The following IPO7 variants were observed in gnomAD, a reference collection of about 807,000 sequenced individuals.
The protein encoded by IPO7 is importin 7.
Under a neutral mutation model 136.4 loss-of-function variants are expected in IPO7, and 13 were observed. That is an observed-to-expected ratio of 0.10 (90% CI 0.06 to 0.15). IPO7 has a LOEUF of 0.15. Among genes scored for constraint, IPO7 ranks in the 10% least tolerant of loss-of-function variants. IPO7 has a pLI of 1.00. For synonymous variants in IPO7, 403 were observed against 404.4 expected, an observed-to-expected ratio of 1.00 and a Z score of 0.04; for missense variants, 857 against 1,240.6, an observed-to-expected ratio of 0.69 and a Z score of 4.65.
Position 9,414,415 on chromosome 11 carries a change from A to G in IPO7, c.636+4A>G, listed in dbSNP as rs1855011097. On this transcript the variant is annotated splice_donor_region_variant and intron_variant, in intron 5 of 24. Transcript: ENST00000379719. ...GATCTTCTATGCTCTTGTTCAGGTA[A>G]TATCTGTGAAGCAGTTTTTATGCAT... 2 of 1,573,528 alleles carry G rather than the reference A, an allele frequency of 1.3e-6. No homozygotes were observed. The highest frequency in any genetic ancestry group is 2.7e-5 in the African/African-American group (2 of 73,188).
chr11:9,425,981 G>T (rs1000933395), intron 12 of IPO7, among the ~76,000 whole-genome samples: 16 of 152,024 alleles, frequency 1.1e-4, no homozygotes, highest in South Asian at 6.2e-4. Flanking sequence ...GGGAGGCGGA[G>T]GCTGCAGTGA....
At chr11:9,393,663 G>A (rs905418084) in intron 1 of IPO7, among the ~76,000 whole-genome samples, 2 of 152,094 alleles carry the variant, frequency 1.3e-5, no homozygotes, top group South Asian at 2.1e-4. Flanking sequence ...GATTACAGGC[G>A]TGAGCCACCA....
At chr11:9,420,307 G>A in intron 6 of IPO7, 104 bp from the exon 7 acceptor site, 1 of 692,438 alleles carries the variant, frequency 1.4e-6, no homozygotes, top group Non-Finnish European at 2.4e-6. Flanking sequence ...AAAAAAAAAG[G>A]CCAGCATTAG....
chr11:9,441,100 T>C (rs947518883), intron 23 of IPO7, among the ~76,000 whole-genome samples: 3 of 152,218 alleles, frequency 2.0e-5, no homozygotes, highest in African/African-American at 7.2e-5. Context: ...CTTTTTTTCC[T>C]ATATTCTGTG....
chr11:9,388,087 C>T (rs1564989390), intron 1 of IPO7, among the ~76,000 whole-genome samples: 2 of 151,398 alleles, frequency 1.3e-5, no homozygotes, highest in South Asian at 4.2e-4. Context: ...GTGGAGGTTG[C>T]GGTGAGCCGA....
In IPO7 at chr11:9,446,459, A is replaced by T. The variant is rs1368758568; in HGVS notation, c.*1265A>T. 5 of 152,300 alleles carry T rather than the reference A, an allele frequency of 3.3e-5. No homozygotes were observed. Among genetic ancestry groups the T allele is most frequent in the Admixed American group, 2.6e-4 (4 of 15,296 alleles). The allele number at this position is 152,300 out of a possible 1,614,324, so 9.4% of individuals were successfully genotyped here. On this transcript the variant is annotated 3_prime_UTR_variant, in exon 25 of 25. Transcript: ENST00000379719. The stretch of plus-strand genomic sequence containing the variant: ...GTTCCCTCCAAAAACCACTATTGAT[A>T]CCACTACAAAAACAAGCCAGCAAAA...
intron 18 of IPO7, among the ~76,000 whole-genome samples, chr11:9,434,289 C>A (rs1160332776): frequency 6.6e-6 from 1 of 152,102 alleles, no homozygotes; most frequent in Non-Finnish European, 1.5e-5. Context: ...GAAGTTAATG[C>A]TCTCAGTGGT....
intron 6 of IPO7, among the ~76,000 whole-genome samples, chr11:9,420,057 C>T (rs141810325): frequency 2.6e-5 from 4 of 152,294 alleles, no homozygotes; most frequent in African/African-American, 7.2e-5. Context: ...GGTGCAGTGG[C>T]GCACGCCTGT....
intron 2 of IPO7, among the ~76,000 whole-genome samples, chr11:9,406,302 C>G (rs1854886556): frequency 6.6e-6 from 1 of 151,542 alleles, no homozygotes; most frequent in African/African-American, 2.4e-5. Context: ...TGTGCCTGGT[C>G]TTGTTTCTTT....
chr11:9,415,076 G>C (rs1564997223), intron 5 of IPO7, among the ~76,000 whole-genome samples: 1 of 152,130 alleles, frequency 6.6e-6, no homozygotes, highest in Non-Finnish European at 1.5e-5. Context: ...CCAGCACTTT[G>C]GGAGGCTGTG....
chr11:9,435,472 A>G (rs1355276411), intron 19 of IPO7, among the ~76,000 whole-genome samples: 1 of 152,214 alleles, frequency 6.6e-6, no homozygotes, highest in Non-Finnish European at 1.5e-5. Context: ...TATCAAAGTC[A>G]GTGTAATTGG....
intron 1 of IPO7, among the ~76,000 whole-genome samples, chr11:9,390,538 T>C (rs1282800012): frequency 6.6e-6 from 1 of 152,252 alleles, no homozygotes; most frequent in Non-Finnish European, 1.5e-5. Context: ...GCCTGTAGTT[T>C]AGATAACATT....
In IPO7 at chr11:9,411,695, G is replaced by A. The variant is rs200086702; in HGVS notation, c.479+1609G>A. The stretch of plus-strand genomic sequence containing the variant: ...ACTAGTATTTAAGGATTTTCTATGA[G>A]TATGGTTCTGCAGTTTGACACATCA... On this transcript the variant is annotated intron_variant, in intron 4 of 24. Transcript: ENST00000379719. Among the ~76,000 whole-genome samples, 4 of 152,252 alleles carry A rather than the reference G, an allele frequency of 2.6e-5. No individual in the cohort carries two copies. In the East Asian group the frequency reaches 7.7e-4, roughly 29 times the overall value.
chr11:9,388,788 C>G (rs1854587618), intron 1 of IPO7, among the ~76,000 whole-genome samples: 1 of 152,070 alleles, frequency 6.6e-6, no homozygotes, highest in East Asian at 1.9e-4. Flanking sequence ...CAGCCTAGAA[C>G]TCTTGGCCTC....
At position 9,446,515 on chromosome 11, in the gene IPO7, T is replaced by A. The variant is rs1268068933; in HGVS notation, c.*1321T>A. The A allele has an allele frequency of 6.6e-6, 1 of 152,158 alleles. No homozygotes were observed. Among genetic ancestry groups the A allele is most frequent in the Non-Finnish European group, 1.5e-5 (1 of 68,036 alleles). The allele number at this position is 152,158 out of a possible 1,614,324, so 9.4% of individuals were successfully genotyped here. ...CTGTAGAGAGGTTGGCTTGCTTCCCTCTCTTCCTAACTGCATGTTGAAAAA... is the reference window on the plus strand; with the variant it reads ...CTGTAGAGAGGTTGGCTTGCTTCCCACTCTTCCTAACTGCATGTTGAAAAA... On this transcript the variant is annotated 3_prime_UTR_variant, in exon 25 of 25. Coordinates refer to ENST00000379719, the MANE Select transcript of IPO7 (RefSeq NM_006391.3).
At chr11:9,390,957 A>G (rs1393184837) in intron 1 of IPO7, among the ~76,000 whole-genome samples, 1 of 151,836 alleles carries the variant, frequency 6.6e-6, no homozygotes, top group Non-Finnish European at 1.5e-5. Context: ...TTTGGTAGAG[A>G]TGGGGTTTCA....
chr11:9,443,081 G>T (rs1272700664), intron 24 of IPO7, among the ~76,000 whole-genome samples: 4 of 151,986 alleles, frequency 2.6e-5, no homozygotes, highest in African/African-American at 9.7e-5. Context: ...GCGCATGCTT[G>T]TAATCCCAGC....
At chr11:9,392,946 C>CA (rs34911529) in intron 1 of IPO7, among the ~76,000 whole-genome samples, 48,886 of 99,974 alleles carry the variant, frequency 0.49, 10,345 homozygotes, top group East Asian at 0.72. Context: ...GACTCTGTCT[C>CA]AAAAAAAAAA....
At position 9,440,602 on chromosome 11, in the gene IPO7, T is replaced by C. The variant is rs1855448832; in HGVS notation, c.2843T>C (p.Ile948Thr). The change falls in exon 23 of 25, where the codon ATC (isoleucine) becomes ACC (threonine). Residue 948 changes from isoleucine to threonine, a missense_variant. Ile to Thr is a moderately conservative substitution (Grantham distance 89). Coordinates refer to ENST00000379719, the MANE Select transcript of IPO7 (RefSeq NM_006391.3). ...ACTGCTCTGGAAGGCTATTCCACAA[T>C]CATTGATGATGAAGATAACCCTGTT... Reference protein sequence around the residue: ...EETALEGYSTIIDDEDNPVDE... With the variant: ...EETALEGYSTTIDDEDNPVDE... 6.2e-7 allele frequency: 1 copy of C among 1,613,968 alleles called. No homozygotes were observed. Among genetic ancestry groups the C allele is most frequent in the Non-Finnish European group, 8.5e-7 (1 of 1,179,872 alleles).
Sources: gnomAD v4.1 joint callset for allele counts (sites outside exome capture counted in the v4.1 genomes callset) on GRCh38, gnomAD v4.1.1 for gene constraint, MANE v1.5 for transcripts, NCBI Gene and HGNC (gene_info 2026-07-23, HGNC 2026-07-21) for gene names.